Variants in PDCD5 observed in about 807,000 individuals in gnomAD.
PDCD5 encodes the protein programmed cell death protein 5.
PDCD5 carries 23 observed loss-of-function variants against 21.9 expected under a neutral mutation model. The ratio of observed to expected loss-of-function variants is 1.05; its 90% confidence interval spans 0.76 to 1.49. PDCD5 has a LOEUF of 1.49. Among genes scored for constraint, PDCD5 ranks in the 40% most tolerant of loss-of-function variants. The pLI, the probability that PDCD5 is intolerant of heterozygous loss-of-function variation, is 0.00. For missense variants in PDCD5, 152 were observed against 147.7 expected, an observed-to-expected ratio of 1.03 and a Z score of -0.15; for synonymous variants, 45 against 49.4, an observed-to-expected ratio of 0.91 and a Z score of 0.37.
intron 4 of PDCD5, 34 bp downstream of exon 4, chr19:32,585,941 T>TA: frequency 1.2e-6 from 2 of 1,614,088 alleles, no homozygotes. Flanking sequence ...ACTTTACTGT[T>TA]ACCTGCTTTA....
At chr19:32,581,516 G>A (rs1450413000) in intron 1 of PDCD5, 189 bp downstream of exon 1, 1 of 378,868 alleles carries the variant, frequency 2.6e-6, no homozygotes, top group African/African-American at 2.1e-5. Context: ...GGGCCCAGGA[G>A]GCTGGCGGCG....
rs115957116 is a variant in PDCD5, at chr19:32,581,246, G to C, written c.-16G>C. 3 of 1,501,426 alleles carry C rather than the reference G, an allele frequency of 2.0e-6. No homozygotes were observed. Among genetic ancestry groups the C allele is most frequent in the South Asian group, 2.5e-5 (2 of 79,626 alleles). The allele number at this position is 1,501,426 out of a possible 1,614,324, so 93.0% of individuals were successfully genotyped here. A position where few individuals can be genotyped will look rare whatever the true frequency, so the allele number is the denominator to read the frequency against. ...TGCGAGAGTGACCGCGGCTGCTCCA[G>C]CGCTGACGCCGAGCCATGGCGGACG... On this transcript the variant is annotated 5_prime_UTR_variant, in exon 1 of 6. Transcript: ENST00000590247.
chr19:32,581,401 C>G, intron 1 of PDCD5, 74 bp downstream of exon 1: 1 of 1,072,086 alleles, frequency 9.3e-7, no homozygotes, highest in Non-Finnish European at 1.2e-6. Context: ...GGCGCGCCTC[C>G]GGGGCGGAGG....
chr19:32,586,578 A>G (rs1971478924), intron 4 of PDCD5: 2 of 1,165,560 alleles, frequency 1.7e-6, no homozygotes, highest in Non-Finnish European at 1.1e-6. Context: ...TCAGCTAGTG[A>G]TGATAAAGGT....
intron 2 of PDCD5, among the ~76,000 whole-genome samples, chr19:32,584,337 T>C (rs926881163): frequency 2.6e-5 from 4 of 152,208 alleles, no homozygotes; most frequent in African/African-American, 9.7e-5. Context: ...TTAAAGGATT[T>C]CATTTGAAAG....
intron 2 of PDCD5, 106 bp downstream of exon 2, chr19:32,582,338 T>G (rs1971436770): frequency 9.8e-7 from 1 of 1,020,042 alleles, no homozygotes; most frequent in South Asian, 1.4e-5. Flanking sequence ...TTTGTTTTGC[T>G]GGAATGGTGA....
intron 4 of PDCD5, chr19:32,586,629 A>G (rs962010162): frequency 2.4e-6 from 3 of 1,255,034 alleles, no homozygotes; most frequent in Admixed American, 4.0e-5. Context: ...TGAGGAAGCA[A>G]TTTTATGGAT....
chr19:32,581,441 C>T (rs1021450578), intron 1 of PDCD5, 114 bp downstream of exon 1: 11 of 562,540 alleles, frequency 2.0e-5, no homozygotes, highest in Non-Finnish European at 3.0e-5. Context: ...GCCCCGGTCC[C>T]CTGCGCTGCC....
In PDCD5 at chr19:32,587,278, C is replaced by T. The variant is rs1471828455; in HGVS notation, c.356C>T (p.Ser119Phe). The T allele has an allele frequency of 1.2e-6, 2 of 1,607,480 alleles. No individual in the cohort carries two copies. The highest frequency in any genetic ancestry group is 2.7e-5 in the African/African-American group (2 of 74,776). Residue 119 changes from serine (S) to phenylalanine (F), a missense_variant, in exon 6 of 6, where the codon TCT becomes TTT. By Grantham distance (155) the Ser-to-Phe change is radical. Coordinates refer to ENST00000590247, the MANE Select transcript of PDCD5 (RefSeq NM_004708.4). ...TTCAACAGAAGAAAAGTAATGGACT[C>T]TGATGAAGATGACGATTATTGAACT... Reference protein sequence around the residue: ...VKFNRRKVMDSDEDDDY With the variant: ...VKFNRRKVMDFDEDDDY
In PDCD5 at chr19:32,587,152, A is replaced by G. The variant is rs1413906777; in HGVS notation, c.331-101A>G. On this transcript the variant is annotated intron_variant, in intron 5 of 5. Transcript: ENST00000590247. ...TTTAGTTCACGCTAAGTTGCTTTAA[A>G]GACACAAATGTCTTGCTAAAATTGG... is the stretch of plus-strand genomic sequence containing the variant. The G allele has an allele frequency of 1.8e-5, 18 of 1,017,086 alleles. No homozygotes were observed. In the South Asian group the frequency reaches 2.2e-4, roughly 13 times the overall value. The allele number at this position is 1,017,086 out of a possible 1,614,324, so 63.0% of individuals were successfully genotyped here.
chr19:32,586,233 G>A, intron 4 of PDCD5: 1 of 1,434,748 alleles, frequency 7.0e-7, no homozygotes. Context: ...GTAAGTAGAA[G>A]GTGTGTTTTG....
intron 3 of PDCD5, among the ~76,000 whole-genome samples, chr19:32,585,440 A>G (rs1461266685): frequency 6.6e-6 from 1 of 152,214 alleles, no homozygotes; most frequent in Non-Finnish European, 1.5e-5. Context: ...ATGAACTGGT[A>G]TTTTCTGTAT....
Position 32,581,296 on chromosome 19 carries a change from A to AGAG in PDCD5, c.37_39dup (p.Arg13dup). 1 of 1,529,268 alleles carries AGAG rather than the reference A, an allele frequency of 6.5e-7. No homozygotes were observed. Among genetic ancestry groups the AGAG allele is most frequent in the Non-Finnish European group, 8.8e-7 (1 of 1,142,768 alleles). 94.7% of individuals were successfully genotyped at this position (1,529,268 alleles called of 1,614,324 possible). ...GAGGAGCTTGAGGCGCTGAGGAGAC[A>AGAG]GAGGCTGGCCGAGCTGCAGGCCAAA... On this transcript the variant is annotated inframe_insertion, in exon 1 of 6. Coordinates refer to ENST00000590247, the MANE Select transcript of PDCD5 (RefSeq NM_004708.4).
chr19:32,584,875 G>C, intron 2 of PDCD5, 75 bp from the exon 3 acceptor site: 1 of 1,162,974 alleles, frequency 8.6e-7, no homozygotes, highest in Non-Finnish European at 1.3e-6. Context: ...ATACTGGATG[G>C]GTTCTTTCTC....
Position 32,584,969 on chromosome 19 carries a change from A to G in PDCD5, c.124A>G (p.Ser42Gly). ...AKHREAEMRN[S>G]ILAQVLDQSA... The stretch of plus-strand genomic sequence containing the variant: ...TTGTAGGGAAGCAGAAATGAGAAAC[A>G]GTATCTTAGCCCAAGTTCTGGATCA... Residue 42 changes from serine to glycine, a missense_variant, in exon 3 of 6, where the codon AGT becomes GGT. Transcript: ENST00000590247. 6.2e-7 allele frequency: 1 copy of G among 1,613,948 alleles called. No individual in the cohort carries two copies. The highest frequency in any genetic ancestry group is 8.5e-7 in the Non-Finnish European group (1 of 1,179,782).
chr19:32,584,670 G>T (rs1158137895), intron 2 of PDCD5, among the ~76,000 whole-genome samples: 1 of 152,216 alleles, frequency 6.6e-6, no homozygotes, highest in Admixed American at 6.5e-5. Flanking sequence ...AGAAATGTTG[G>T]TGATGGTGTT....
At chr19:32,584,085 G>A (rs1406550060) in intron 2 of PDCD5, among the ~76,000 whole-genome samples, 1 of 152,124 alleles carries the variant, frequency 6.6e-6, no homozygotes, top group African/African-American at 2.4e-5. Flanking sequence ...ACCCACCTCA[G>A]CCTCCCAAAG....
Position 32,581,233 on chromosome 19 carries a change from C to T in PDCD5, c.-29C>T, listed in dbSNP as rs763633056. 18 of 1,468,408 alleles carry T rather than the reference C, an allele frequency of 1.2e-5. No homozygotes were observed. In the South Asian group the frequency reaches 1.7e-4, roughly 14 times the overall value. 91.0% of individuals were successfully genotyped at this position (1,468,408 alleles called of 1,614,324 possible). A position where few individuals can be genotyped will look rare whatever the true frequency, so the allele number is the denominator to read the frequency against. On this transcript the variant is annotated 5_prime_UTR_variant, in exon 1 of 6. Coordinates refer to ENST00000590247, the MANE Select transcript of PDCD5 (RefSeq NM_004708.4). ...CGCGCCGAGGGGCTGCGAGAGTGAC[C>T]GCGGCTGCTCCAGCGCTGACGCCGA...
chr19:32,584,818 A>G lies in PDCD5; in HGVS notation c.105-132A>G, dbSNP rs1971460486. ...ATGTAGCTGCAGCCTTATGTACAGC[A>G]ACTACCATAATGCAGTTTGTATACC... On this transcript the variant is annotated intron_variant, in intron 2 of 5. Coordinates refer to ENST00000590247, the MANE Select transcript of PDCD5 (RefSeq NM_004708.4). 7 of 735,468 alleles carry G rather than the reference A, an allele frequency of 9.5e-6. No homozygotes were observed. The Admixed American group carries it at 1.4e-4, about 14-fold the overall frequency. The allele number at this position is 735,468 out of a possible 1,614,324, so 45.6% of individuals were successfully genotyped here.
Sources: gnomAD v4.1 joint callset for allele counts (sites outside exome capture counted in the v4.1 genomes callset) on GRCh38, gnomAD v4.1.1 for gene constraint, MANE v1.5 for transcripts, NCBI Gene and HGNC (gene_info 2026-07-23, HGNC 2026-07-21) for gene names.